SEC14L2: variants seen among roughly 807,000 people sequenced by gnomAD.
The protein encoded by SEC14L2 is SEC14 like lipid binding 2, also known as SEC14-like protein 2.
In SEC14L2, 50 loss-of-function variants were observed where a neutral mutation model predicts 56.9. The ratio of observed to expected loss-of-function variants is 0.88; its 90% CI spans 0.70 to 1.11. The LOEUF is 1.11. SEC14L2 is among the 50% of genes most tolerant of loss of function. The probability of loss-of-function intolerance (pLI) is 0.00; values close to 1 mark genes in which losing one functional copy is unlikely to be tolerated. For synonymous variants in SEC14L2, 179 were observed against 188.5 expected, an observed-to-expected ratio of 0.95 and a Z score of 0.41; for missense variants, 414 against 500.7, an observed-to-expected ratio of 0.83 and a Z score of 1.65.
At chr22:30,410,712 G>A (rs1416069416) in intron 8 of SEC14L2, 33 bp downstream of exon 8, 1 of 1,595,490 alleles carries the variant, frequency 6.3e-7, no homozygotes, top group Non-Finnish European at 8.6e-7. Flanking sequence ...AACTCCAAAG[G>A]AGGGTCTGTA....
At chr22:30,397,821 C>T (rs1933800716) in intron 1 of SEC14L2, 1 of 470,872 alleles carries the variant, frequency 2.1e-6, no homozygotes, top group African/African-American at 2.0e-5. Flanking sequence ...GCATCCCAGA[C>T]CCCTGCCTGG....
intron 1 of SEC14L2, chr22:30,397,469 C>G: frequency 2.3e-6 from 1 of 429,428 alleles, no homozygotes. Context: ...ACAAAGGCAA[C>G]ATTCATCCTC....
intron 2 of SEC14L2, among the ~76,000 whole-genome samples, chr22:30,405,052 A>G (rs1468485312): frequency 6.6e-6 from 1 of 151,440 alleles, no homozygotes; most frequent in Non-Finnish European, 1.5e-5. Context: ...CCTGGATGAC[A>G]AGAGCGAAAT....
chr22:30,417,815 C>G (rs1436756757), intron 11 of SEC14L2, among the ~76,000 whole-genome samples: 1 of 151,994 alleles, frequency 6.6e-6, no homozygotes, highest in Non-Finnish European at 1.5e-5. Flanking sequence ...GGCCTCTCTG[C>G]TTGTCTACAT....
intron 2 of SEC14L2, among the ~76,000 whole-genome samples, chr22:30,402,960 G>A (rs1382154452): frequency 6.6e-6 from 1 of 151,912 alleles, no homozygotes; most frequent in Non-Finnish European, 1.5e-5. Context: ...TGCACCTGTA[G>A]TCCCAGCTAC....
At chr22:30,407,706 G>A (rs1411413718) in intron 5 of SEC14L2, 103 bp downstream of exon 5, 21 of 994,348 alleles carry the variant, frequency 2.1e-5, no homozygotes, top group Non-Finnish European at 2.8e-5. Context: ...CAGGGCCAAG[G>A]CCCAGCCTTT....
chr22:30,419,281 G>A (rs1015658542), intron 11 of SEC14L2, among the ~76,000 whole-genome samples: 6 of 152,220 alleles, frequency 3.9e-5, no homozygotes, highest in African/African-American at 1.4e-4. Context: ...GCCGGGCGTG[G>A]TGGCTCATGC....
chr22:30,402,017 C>G (rs1371654899), intron 2 of SEC14L2, among the ~76,000 whole-genome samples: 1 of 152,122 alleles, frequency 6.6e-6, no homozygotes, highest in African/African-American at 2.4e-5. Context: ...TCCTGAGAGG[C>G]TGCTTGTAAA....
intron 11 of SEC14L2, among the ~76,000 whole-genome samples, chr22:30,419,514 A>G (rs893647611): frequency 1.2e-3 from 181 of 152,292 alleles, no homozygotes; most frequent in African/African-American, 4.2e-3. Context: ...CTGCACTCCA[A>G]CCTGGGTGAC....
At chr22:30,404,009 C>CAAAAAAAAAAAAAAA (rs67366822) in intron 2 of SEC14L2, among the ~76,000 whole-genome samples, 20 of 93,230 alleles carry the variant, frequency 2.1e-4, no homozygotes, top group Non-Finnish European at 3.4e-4. Context: ...GACTCCGTCT[C>CAAAAAAAAAAAAAAA]AAAAAAAAAA....
In SEC14L2 at chr22:30,424,624, T is replaced by G. The variant is rs1934618788; in HGVS notation, c.*2217T>G. On this transcript the variant is annotated 3_prime_UTR_variant, in exon 12 of 12. Transcript: ENST00000615189. ...GTGCAAAGCGCTTAAGAGCTTGGTATAAGTAAGTGCTCGTCAATGTTGGCT... is the reference window on the plus strand; with the variant it reads ...GTGCAAAGCGCTTAAGAGCTTGGTAGAAGTAAGTGCTCGTCAATGTTGGCT... 6.7e-6 allele frequency: 3 copies of G among 446,622 alleles called. No individual in the cohort carries two copies. The highest frequency in any genetic ancestry group is 9.0e-6 in the Non-Finnish European group (2 of 222,574). 27.7% of individuals were successfully genotyped at this position (446,622 alleles called of 1,614,324 possible). A position where few individuals can be genotyped will look rare whatever the true frequency, so the allele number is the denominator to read the frequency against.
intron 1 of SEC14L2, chr22:30,397,996 C>T (rs1933807113): frequency 7.3e-6 from 3 of 413,628 alleles, no homozygotes; most frequent in South Asian, 5.2e-5. Flanking sequence ...CGGCTCTTCT[C>T]TGGGCAAGAG....
intron 11 of SEC14L2, chr22:30,416,924 C>A: frequency 1.1e-6 from 1 of 898,138 alleles, no homozygotes; most frequent in Non-Finnish European, 1.3e-6. Flanking sequence ...TGAAAAGGTG[C>A]TTAATCTCTC....
chr22:30,422,644 T>C lies in SEC14L2; in HGVS notation c.*237T>C, dbSNP rs182230386. 6.7e-6 allele frequency: 3 copies of C among 450,998 alleles called. No individual in the cohort carries two copies. The highest frequency in any genetic ancestry group is 7.7e-5 in the East Asian group (2 of 26,024). The allele number at this position is 450,998 out of a possible 1,614,324, so 27.9% of individuals were successfully genotyped here. ...CCATCGTGATAGGATCTGTCTGTCC[T>C]GTAAACTGTGCCAACTTCACCTGTC... On this transcript the variant is annotated 3_prime_UTR_variant, in exon 12 of 12. Transcript: ENST00000615189.
intron 5 of SEC14L2, 142 bp from the exon 6 acceptor site, chr22:30,409,045 T>A (rs1188177904): frequency 9.0e-6 from 7 of 777,496 alleles, no homozygotes; most frequent in Non-Finnish European, 1.6e-5. Flanking sequence ...GGGGTGATTA[T>A]CTCAGTTTGG....
chr22:30,413,537 TAGTG>T (rs1347326389), intron 8 of SEC14L2, among the ~76,000 whole-genome samples: 1 of 151,964 alleles, frequency 6.6e-6, no homozygotes, highest in Middle Eastern at 3.2e-3. Flanking sequence ...CTGGGAAACA[TAGTG>T]AGACACCGTT....
At chr22:30,401,195 AT>A (rs932284968) in intron 2 of SEC14L2, among the ~76,000 whole-genome samples, 86 of 119,802 alleles carry the variant, frequency 7.2e-4, no homozygotes, top group African/African-American at 2.6e-3. Flanking sequence ...TGATTTATTT[AT>A]TTATTTATTT....
At chr22:30,408,458 G>C (rs984249552) in intron 5 of SEC14L2, among the ~76,000 whole-genome samples, 1 of 152,070 alleles carries the variant, frequency 6.6e-6, no homozygotes, top group Admixed American at 6.6e-5. Context: ...GCTGTGCATA[G>C]TGGCATATAC....
intron 8 of SEC14L2, among the ~76,000 whole-genome samples, chr22:30,415,172 C>T (rs572245210): frequency 1.3e-5 from 2 of 152,306 alleles, no homozygotes; most frequent in Non-Finnish European, 2.9e-5. Context: ...TGGCTCATGC[C>T]TGTAATCCCA....
Sources: gnomAD v4.1 joint callset for allele counts (sites outside exome capture counted in the v4.1 genomes callset) on GRCh38, gnomAD v4.1.1 for gene constraint, MANE v1.5 for transcripts, NCBI Gene and HGNC (gene_info 2026-07-23, HGNC 2026-07-21) for gene names.